Variants in KANK3 observed in about 807,000 individuals in gnomAD.
KANK3 encodes KN motif and ankyrin repeat domain-containing protein 3.
Under a neutral mutation model 65.4 loss-of-function variants are expected in KANK3, and 61 were observed. The ratio of observed to expected loss-of-function variants is 0.93; its 90% CI spans 0.76 to 1.15. The LOEUF (loss-of-function observed/expected upper bound fraction) is 1.15. Among genes scored for constraint, KANK3 ranks in the 50% most tolerant of loss-of-function variants. KANK3 has a pLI of 0.00. For missense variants in KANK3, 1,187 were observed against 1,178.8 expected, an observed-to-expected ratio of 1.01 and a Z score of -0.10; for synonymous variants, 586 against 543.3, an observed-to-expected ratio of 1.08 and a Z score of -1.09.
Position 8,335,781 on chromosome 19 carries a change from G to A in KANK3, c.46C>T (p.Pro16Ser). Residue 16 changes from proline (P) to serine (S), a missense_variant, in exon 3 of 11, where the codon CCC (proline) becomes TCC (serine). By Grantham distance (74) the Pro-to-Ser change is moderately conservative (BLOSUM62 -1). Around this residue, in one of 3 missense-constraint regions of KANK3, gnomAD observed 104 missense variants for 122.1 expected, o/e 0.85. Transcript: ENST00000330915. ...LNQNLPDLGG[P>S]RLCPVPAAGG... ...GCGGCGGGGACCGGGCACAGGCGGG[G>A]GCCGCCCAGGTCTGGAGGCACGACG... 8.1e-7 allele frequency: 1 copy of A among 1,237,062 alleles called. No individual in the cohort carries two copies. Among genetic ancestry groups the A allele is most frequent in the Non-Finnish European group, 1.0e-6 (1 of 988,018 alleles). 76.6% of individuals were successfully genotyped at this position (1,237,062 alleles called of 1,614,324 possible).
At chr19:8,331,538 C>T (rs1351610300) in intron 7 of KANK3, among the ~76,000 whole-genome samples, 2 of 152,176 alleles carry the variant, frequency 1.3e-5, no homozygotes, top group African/African-American at 4.8e-5. Context: ...TCAGAGGTTT[C>T]TGAACCTGCA....
chr19:8,324,480 G>A lies in KANK3; in HGVS notation c.2351C>T (p.Ala784Val), dbSNP rs1970382925. 6 of 1,610,790 alleles carry A rather than the reference G, an allele frequency of 3.7e-6. No homozygotes were observed. In the East Asian group the frequency reaches 1.3e-4, roughly 36 times the overall value. Residue 784 changes from alanine (A) to valine (V), a missense_variant, in exon 10 of 11, where the codon GCC becomes GTC. Physicochemically the swap from Ala to Val is moderately conservative, Grantham distance 64 (BLOSUM62 0). Coordinates refer to ENST00000330915, the MANE Select transcript of KANK3 (RefSeq NM_198471.3). ...GTCGGGCTGGCCCGAGCTCAGGTGG[G>A]CATGTAGCAGAGCGGCCACCTCATC... is the stretch of plus-strand genomic sequence containing the variant. ...EQDEVAALLH[A>V]HLSSGQPDTQ... is the part of the protein sequence containing the mutation.
intron 7 of KANK3, among the ~76,000 whole-genome samples, chr19:8,326,344 AC>A (rs1970426466): frequency 6.6e-6 from 1 of 151,500 alleles, no homozygotes; most frequent in South Asian, 2.1e-4. Context: ...CAGGATAATC[AC>A]TTGAACCTGG....
intron 7 of KANK3, among the ~76,000 whole-genome samples, chr19:8,332,469 T>C (rs1970542950): frequency 6.7e-6 from 1 of 149,474 alleles, no homozygotes; most frequent in African/African-American, 2.4e-5. Flanking sequence ...TGAGCCACCA[T>C]GCCTGGCTCA....
rs747672940 is a variant in KANK3, at chr19:8,334,359, C to T, written c.1388G>A (p.Gly463Glu). ...CCCAACAAACTGCAGGCTCTTGGGTCCGGAGCTGGGTTGGGCACCAGGTGT... is the reference window on the plus strand; with the variant it reads ...CCCAACAAACTGCAGGCTCTTGGGTTCGGAGCTGGGTTGGGCACCAGGTGT... ...DGTPGAQPSS[G>E]PKSLQFVGVL... The change falls in exon 4 of 11, where the codon GGA becomes GAA. Residue 463 changes from glycine to glutamate, a missense_variant. Around this residue, in one of 3 missense-constraint regions of KANK3, gnomAD observed 1,078 missense variants for 1,038.2 expected, o/e 1.04. Transcript: ENST00000330915. 1.2e-6 allele frequency: 2 copies of T among 1,614,138 alleles called. No individual in the cohort carries two copies. The highest frequency in any genetic ancestry group is 2.2e-5 in the South Asian group (2 of 91,078).
At chr19:8,340,007 A>C (rs1237097577) in intron 1 of KANK3, among the ~76,000 whole-genome samples, 1 of 150,046 alleles carries the variant, frequency 6.7e-6, no homozygotes, top group Non-Finnish European at 1.5e-5. Context: ...AAAGAAAAGC[A>C]CAGGAACATG....
chr19:8,329,533 T>C (rs1455187648), intron 7 of KANK3, among the ~76,000 whole-genome samples: 1 of 142,682 alleles, frequency 7.0e-6, no homozygotes, highest in East Asian at 2.0e-4. Flanking sequence ...AACTATAGAA[T>C]GCTCTGGAAA....
intron 1 of KANK3, among the ~76,000 whole-genome samples, chr19:8,342,342 G>A (rs970040748): frequency 7.2e-5 from 11 of 152,114 alleles, no homozygotes; most frequent in African/African-American, 2.7e-4. Flanking sequence ...CTGATTGGGG[G>A]CGGAGGTGCC....
In KANK3 at chr19:8,333,912, C is replaced by G; in HGVS notation, c.1632G>C (p.Gly544=). ...AEAEPQQVAQ[G]RCELSPRLRE... is the part of the protein sequence containing the mutation. ...AACAACTAGCGAGCGCCGCTCACCT[C>G]CCCTGTGCCACCTGCTGAGGCTCTG... Residue 544 remains glycine (G), a splice_region_variant and synonymous_variant, in exon 5 of 11, where the codon GGG becomes GGC. Transcript: ENST00000330915. The surrounding 1 kb of genome is among the most constrained non-coding windows in gnomAD (Gnocchi z 5.0). The G allele has an allele frequency of 1.9e-6, 3 of 1,579,740 alleles. No homozygotes were observed. The African/African-American group carries it at 4.0e-5, about 21-fold the overall frequency.
At chr19:8,327,334 A>G (rs1051108613) in intron 7 of KANK3, among the ~76,000 whole-genome samples, 2 of 151,688 alleles carry the variant, frequency 1.3e-5, no homozygotes, top group Non-Finnish European at 1.5e-5. Flanking sequence ...AGACCCCCCC[A>G]TCTCTTAAAA....
Position 8,324,564 on chromosome 19 carries a change from ACAGT to A in KANK3, c.2284-21_2284-18del, listed in dbSNP as rs778900283. 26 of 1,613,064 alleles carry A rather than the reference ACAGT, an allele frequency of 1.6e-5. No homozygotes were observed. Among genetic ancestry groups the A allele is most frequent in the Admixed American group, 3.3e-5 (2 of 60,004 alleles). On this transcript the variant is annotated intron_variant, in intron 9 of 10. Coordinates refer to ENST00000330915, the MANE Select transcript of KANK3 (RefSeq NM_198471.3). ...GGTGCCCTCCTGTGGAACGTTAGGG[ACAGT>A]CAGATCCCTGAGCCAAGCCATGGGC...
At chr19:8,343,186 G>T (rs1970742414) in intron 1 of KANK3, 39 bp downstream of exon 1, 1 of 152,568 alleles carries the variant, frequency 6.6e-6, no homozygotes, top group Non-Finnish European at 1.5e-5. Flanking sequence ...CACCCACCCA[G>T]GGGTCCCCCA....
intron 7 of KANK3, 28 bp downstream of exon 7, chr19:8,332,986 G>GGGGGC: frequency 1.8e-6 from 1 of 543,824 alleles, no homozygotes; most frequent in Non-Finnish European, 3.5e-6. Flanking sequence ...ATTTCCTGGT[G>GGGGGC]TCCCACCCAC....
At chr19:8,328,491 C>T (rs189184234) in intron 7 of KANK3, among the ~76,000 whole-genome samples, 11 of 151,400 alleles carry the variant, frequency 7.3e-5, no homozygotes, top group East Asian at 1.9e-4. Flanking sequence ...CAACACTTGA[C>T]GGTTTGCTGT....
At chr19:8,332,578 G>A (rs1055110133) in intron 7 of KANK3, among the ~76,000 whole-genome samples, 4 of 151,568 alleles carry the variant, frequency 2.6e-5, no homozygotes, top group Non-Finnish European at 5.9e-5. Flanking sequence ...CAGCACTTTG[G>A]GAGGCCGGGG....
chr19:8,341,497 G>T (rs904954468), intron 1 of KANK3, among the ~76,000 whole-genome samples: 15 of 151,960 alleles, frequency 9.9e-5, no homozygotes, highest in Non-Finnish European at 1.6e-4. Context: ...TGCAATCTCC[G>T]CCTCCCGGGT....
intron 7 of KANK3, among the ~76,000 whole-genome samples, chr19:8,328,387 CCACACA>C (rs55963090): frequency 0.042 from 6,119 of 145,096 alleles, 166 homozygotes; most frequent in African/African-American, 0.07. Flanking sequence ...ACCACCCCCA[CCACACA>C]CACACACACA....
chr19:8,334,262 GT>G, intron 4 of KANK3, 57 bp downstream of exon 4: 1 of 1,604,796 alleles, frequency 6.2e-7, no homozygotes. Context: ...CAGAGCTGGG[GT>G]TCCAACCCCA....
chr19:8,330,981 T>G (rs1259571853), intron 7 of KANK3, among the ~76,000 whole-genome samples: 1 of 151,798 alleles, frequency 6.6e-6, no homozygotes, highest in Non-Finnish European at 1.5e-5. Context: ...GCAGATGAGT[T>G]GAGGTAAGCA....
Sources: gnomAD v4.1 joint callset for allele counts (sites outside exome capture counted in the v4.1 genomes callset) on GRCh38, gnomAD v4.1.1 for gene constraint, gnomAD v4.1.1 regional missense constraint, Gnocchi (gnomAD v3.1) non-coding constraint, MANE v1.5 for transcripts, NCBI Gene and HGNC (gene_info 2026-07-23, HGNC 2026-07-21) for gene names.